SLC37A3: variants seen among roughly 807,000 people sequenced by gnomAD.
The protein encoded by SLC37A3 is sugar phosphate exchanger 3.
A neutral mutation model predicts 67.1 loss-of-function variants in SLC37A3; 51 were observed. That is an observed-to-expected ratio of 0.76 (90% CI 0.61 to 0.96). The LOEUF (loss-of-function observed/expected upper bound fraction) is 0.96, where lower values mean the gene tolerates loss of function less well. Among genes scored for constraint, SLC37A3 ranks in the 40% least tolerant of loss-of-function variants. The pLI, the probability that SLC37A3 is intolerant of heterozygous loss-of-function variation, is 0.00. For synonymous variants in SLC37A3, 214 were observed against 231.4 expected (o/e 0.92, Z 0.68); for missense variants, 508 against 603.0 (o/e 0.84, Z 1.65).
Position 140,382,599 on chromosome 7 carries a change from G to GGTCGCCGCTCTCCA in SLC37A3, c.-70-4_-70-3insTGGAGAGCGGCGAC. The stretch of plus-strand genomic sequence containing the variant: ...GTGATTTACATCATTTCTTCCTTCT[G>GGTCGCCGCTCTCCA]GAAAGACAAAACACATTATGGACAT... On this transcript the variant is annotated splice_region_variant and splice_polypyrimidine_tract_variant and intron_variant, in intron 1 of 14. Transcript: ENST00000326232. 2.2e-6 allele frequency: 3 copies of GGTCGCCGCTCTCCA among 1,345,812 alleles called. No homozygotes were observed. The highest frequency in any genetic ancestry group is 3.2e-6 in the Non-Finnish European group (3 of 945,458). 83.4% of individuals were successfully genotyped at this position (1,345,812 alleles called of 1,614,324 possible). A position where few individuals can be genotyped will look rare whatever the true frequency, so the allele number is the denominator to read the frequency against.
intron 9 of SLC37A3, 40 bp downstream of exon 9, chr7:140,351,233 C>G: frequency 6.3e-7 from 1 of 1,585,060 alleles, no homozygotes; most frequent in Non-Finnish European, 8.6e-7. Context: ...CACGGGCTCT[C>G]ATACCTCCCT....
chr7:140,373,677 C>T (rs1448053663), intron 3 of SLC37A3, among the ~76,000 whole-genome samples: 42 of 136,198 alleles, frequency 3.1e-4, no homozygotes, highest in Admixed American at 5.2e-4. Flanking sequence ...CTTTTTTTTT[C>T]TTTTTTTTTT....
At chr7:140,355,834 A>G (rs539434619) in intron 6 of SLC37A3, 70 bp from the exon 7 acceptor site, 1 of 1,288,014 alleles carries the variant, frequency 7.8e-7, no homozygotes, top group Non-Finnish European at 1.1e-6. Flanking sequence ...TCAAAATACA[A>G]AACAGCCAAA....
Position 140,352,149 on chromosome 7 carries a change from G to A in SLC37A3, c.619-3C>T. On this transcript the variant is annotated splice_polypyrimidine_tract_variant and splice_region_variant and intron_variant, in intron 7 of 14. Coordinates refer to ENST00000326232, the MANE Select transcript of SLC37A3 (RefSeq NM_207113.3). Reference sequence around the variant, plus strand: ...GACGCCGTCACCAGAAAGGCATACTGGAGGAGAGGGGTGAAAGGTGGTCCT... The same window carrying A: ...GACGCCGTCACCAGAAAGGCATACTAGAGGAGAGGGGTGAAAGGTGGTCCT... The A allele has an allele frequency of 6.2e-7, 1 of 1,610,774 alleles. No individual in the cohort carries two copies. Among genetic ancestry groups the A allele is most frequent in the Non-Finnish European group, 8.5e-7 (1 of 1,178,454 alleles).
intron 1 of SLC37A3, among the ~76,000 whole-genome samples, chr7:140,385,235 C>T (rs1297921298): frequency 2.0e-5 from 3 of 152,164 alleles, no homozygotes; most frequent in African/African-American, 7.2e-5. Context: ...TAGCTAATTT[C>T]ATTTTAAAGT....
chr7:140,395,761 A>G (rs1047550427), intron 1 of SLC37A3, among the ~76,000 whole-genome samples: 1 of 152,140 alleles, frequency 6.6e-6, no homozygotes, highest in African/African-American at 2.4e-5. Context: ...ACTCAGAGGT[A>G]TATACCAAGG....
chr7:140,350,540 A>G (rs1796751363), intron 9 of SLC37A3, among the ~76,000 whole-genome samples: 1 of 152,048 alleles, frequency 6.6e-6, no homozygotes, highest in South Asian at 2.1e-4. Flanking sequence ...CAAAGTGGGC[A>G]GACCATGAGA....
intron 13 of SLC37A3, among the ~76,000 whole-genome samples, chr7:140,339,271 T>G (rs966169351): frequency 2.7e-5 from 4 of 150,806 alleles, no homozygotes; most frequent in South Asian, 2.1e-4. Flanking sequence ...TTTGTTTTTT[T>G]TTTTTTTTTG....
intron 3 of SLC37A3, among the ~76,000 whole-genome samples, chr7:140,369,906 T>G (rs1460341091): frequency 6.6e-6 from 1 of 152,048 alleles, no homozygotes; most frequent in Non-Finnish European, 1.5e-5. Flanking sequence ...ATATCGGGAG[T>G]TCGAGACCAG....
intron 3 of SLC37A3, among the ~76,000 whole-genome samples, chr7:140,374,522 G>C (rs1797948127): frequency 1.3e-5 from 2 of 149,298 alleles, no homozygotes; most frequent in Non-Finnish European, 3.0e-5. Flanking sequence ...AATGAATTTA[G>C]ATTTTAGAAT....
intron 1 of SLC37A3, among the ~76,000 whole-genome samples, chr7:140,387,681 ATATAT>A (rs1191822556): frequency 5.7e-4 from 64 of 112,734 alleles, no homozygotes; most frequent in Middle Eastern, 3.9e-3. Flanking sequence ...TTATATATAA[ATATAT>A]TATATATATT....
intron 1 of SLC37A3, among the ~76,000 whole-genome samples, chr7:140,390,200 A>G (rs1798670195): frequency 6.6e-6 from 1 of 152,106 alleles, no homozygotes; most frequent in South Asian, 2.1e-4. Context: ...GATGACATAC[A>G]TGAAGCTACC....
intron 1 of SLC37A3, among the ~76,000 whole-genome samples, chr7:140,395,392 A>AC (rs1378455516): frequency 6.7e-6 from 1 of 149,830 alleles, no homozygotes; most frequent in Non-Finnish European, 1.5e-5. Context: ...AAAAAAAAAA[A>AC]AAAAAAAAAA....
Position 140,335,482 on chromosome 7 carries a change from A to AT in SLC37A3, c.1414dup (p.Ile472AsnfsTer74). 6.2e-7 allele frequency: 1 copy of AT among 1,614,032 alleles called. No individual in the cohort carries two copies. ...TATTTCCCTCACTATTAATGGCGAG[A>AT]TAAACACAATTGTACAACTTGTCTG... On this transcript the variant is annotated frameshift_variant, in exon 15 of 15. Transcript: ENST00000326232. LOFTEE classifies it high-confidence loss of function.
Position 140,335,376 on chromosome 7 carries a change from T to C in SLC37A3, c.*36A>G. On this transcript the variant is annotated 3_prime_UTR_variant, in exon 15 of 15. Transcript: ENST00000326232. ...ACTCGAAGCCCCAGCGGTCCTGATG[T>C]GGCTGACATTGTTCTTTCTGTCTCG... is the stretch of plus-strand genomic sequence containing the variant. 6.2e-7 allele frequency: 1 copy of C among 1,614,180 alleles called. No homozygotes were observed. Among genetic ancestry groups the C allele is most frequent in the Non-Finnish European group, 8.5e-7 (1 of 1,180,040 alleles).
At position 140,372,140 on chromosome 7, in the gene SLC37A3, G is replaced by A. The variant is rs541317153; in HGVS notation, c.199-2458C>T. Among the ~76,000 whole-genome samples, 7 of 152,312 alleles carry A rather than the reference G, an allele frequency of 4.6e-5. 1 individual carries two copies. The highest frequency in any genetic ancestry group is 1.7e-4 in the African/African-American group (7 of 41,568). On this transcript the variant is annotated intron_variant, in intron 3 of 14. Coordinates refer to ENST00000326232, the MANE Select transcript of SLC37A3 (RefSeq NM_207113.3). The stretch of plus-strand genomic sequence containing the variant: ...GCTGGGATTACAGGTGTGAGCCACT[G>A]CGCCCAGCCTAGTTTACAGAACTTT...
chr7:140,395,480 G>A (rs1210448306), intron 1 of SLC37A3, among the ~76,000 whole-genome samples: 1 of 151,604 alleles, frequency 6.6e-6, no homozygotes, highest in East Asian at 1.9e-4. Context: ...GGCCAAGGCA[G>A]GTGGATCATT....
At chr7:140,374,428 C>A (rs1334073587) in intron 3 of SLC37A3, among the ~76,000 whole-genome samples, 2 of 148,734 alleles carry the variant, frequency 1.3e-5, no homozygotes, top group Admixed American at 1.4e-4. Flanking sequence ...ACCCAGGAGG[C>A]AGAGGATGCA....
chr7:140,366,016 C>T (rs1018846064), intron 4 of SLC37A3, among the ~76,000 whole-genome samples: 6 of 130,026 alleles, frequency 4.6e-5, no homozygotes, highest in African/African-American at 1.5e-4. Flanking sequence ...TGGCTCACTG[C>T]AGCCTCTGTC....
Sources: allele counts gnomAD v4.1 joint callset (sites outside exome capture counted in the v4.1 genomes callset), GRCh38; gene constraint gnomAD v4.1.1; transcripts MANE v1.5; gene names NCBI Gene and HGNC (gene_info 2026-07-23, HGNC 2026-07-21).